NCKAP5: variants seen among roughly 807,000 people sequenced by gnomAD.
NCKAP5 encodes NCK associated protein 5, also known as nck-associated protein 5.
NCKAP5 carries 92 observed loss-of-function variants against 167.0 expected under a neutral mutation model. That is an observed-to-expected ratio of 0.55 (90% CI 0.47 to 0.66). NCKAP5 has a LOEUF of 0.66. NCKAP5 is among the 30% of genes least tolerant of loss of function. The pLI is 0.00. For synonymous variants in NCKAP5, 891 were observed against 877.4 expected (o/e 1.02, Z -0.27); for missense variants, 2,378 against 2,315.0 (o/e 1.03, Z -0.56).
intron 5 of NCKAP5, among the ~76,000 whole-genome samples, chr2:133,208,956 T>G (rs1466850413): frequency 1.3e-5 from 2 of 152,146 alleles, no homozygotes; most frequent in Non-Finnish European, 2.9e-5. Flanking sequence ...AGGGTAGTAA[T>G]AAAGGCTGCA....
At chr2:133,666,021 T>C in the NCKAP5 span, among the ~76,000 whole-genome samples, 3 of 152,118 alleles carry the variant, frequency 2.0e-5, no homozygotes, top group East Asian at 5.8e-4. Context: ...AAAGTAAAAA[T>C]TATCTTCTCA....
At chr2:133,134,944 C>A (rs1431487199) in intron 5 of NCKAP5, among the ~76,000 whole-genome samples, 1 of 152,150 alleles carries the variant, frequency 6.6e-6, no homozygotes, top group Non-Finnish European at 1.5e-5. Flanking sequence ...CTATGTACCC[C>A]CAACATGGAG....
intron 8 of NCKAP5, among the ~76,000 whole-genome samples, chr2:132,904,150 TG>T (rs1170213677): frequency 1.3e-5 from 2 of 151,864 alleles, no homozygotes; most frequent in Non-Finnish European, 2.9e-5. Flanking sequence ...TAGCCAGGCA[TG>T]GTGGCGAGTG....
chr2:133,568,101 C>T (rs568833719), intron 1 of NCKAP5, 115 bp downstream of exon 1: 8 of 151,960 alleles, frequency 5.3e-5, no homozygotes, highest in African/African-American at 1.9e-4. Flanking sequence ...CTGTGACAGC[C>T]GAAAGAGCCT....
Position 133,160,399 on chromosome 2 carries a change from G to A in NCKAP5, c.208-30288C>T, listed in dbSNP as rs1396017817. On this transcript the variant is annotated intron_variant, in intron 5 of 19. Coordinates refer to ENST00000409261, the MANE Select transcript of NCKAP5 (RefSeq NM_207363.3). ...CTCCAAAGACTCTATTTCCCAATAAGGTCACATTCTTTTTTTTTTTTTTCT... is the reference window on the plus strand; with the variant it reads ...CTCCAAAGACTCTATTTCCCAATAAAGTCACATTCTTTTTTTTTTTTTTCT... 2.8e-5 allele frequency among the ~76,000 whole-genome samples: 4 copies of A among 142,144 alleles called. No individual in the cohort carries two copies. The East Asian group carries it at 8.7e-4, about 31-fold the overall frequency. The allele number at this position is 142,144 out of a possible 152,430, so 93.3% of individuals were successfully genotyped here. A position where few individuals can be genotyped will look rare whatever the true frequency, so the allele number is the denominator to read the frequency against.
At chr2:133,520,255 G>A (rs1684362657) in intron 2 of NCKAP5, among the ~76,000 whole-genome samples, 1 of 152,166 alleles carries the variant, frequency 6.6e-6, no homozygotes, top group Non-Finnish European at 1.5e-5. Flanking sequence ...AAAATAGCCA[G>A]GAAGAGAATG....
chr2:133,472,189 C>T (rs1270043087), intron 3 of NCKAP5, among the ~76,000 whole-genome samples: 2 of 151,978 alleles, frequency 1.3e-5, no homozygotes, highest in Non-Finnish European at 2.9e-5. Context: ...TAAAATTCTG[C>T]TTGTTTCCAT....
chr2:132,882,718 AT>A (rs996204159), intron 8 of NCKAP5, among the ~76,000 whole-genome samples: 4 of 152,100 alleles, frequency 2.6e-5, no homozygotes, highest in African/African-American at 9.7e-5. Flanking sequence ...TCTTAATTAC[AT>A]TTTGTTTTTT....
Position 132,782,031 on chromosome 2 carries a change from T to C in NCKAP5, c.4780A>G (p.Ile1594Val). Residue 1594 changes from isoleucine to valine, a missense_variant, in exon 14 of 20, where the codon ATT (isoleucine) becomes GTT (valine). Physicochemically the swap from Ile to Val is conservative, Grantham distance 29 (BLOSUM62 3). Around this residue, in one of 3 missense-constraint regions of NCKAP5, gnomAD observed 1,325 missense variants for 1,274.5 expected, o/e 1.04. Coordinates refer to ENST00000409261, the MANE Select transcript of NCKAP5 (RefSeq NM_207363.3). ...SKNNRRTPQD[I>V]YNQLKIEPRN... ...GGTTCAATCTTCAGTTGGTTGTAAA[T>C]GTCTTGTGGTGTTCTCCGATTATTT... The C allele has an allele frequency of 6.2e-7, 1 of 1,614,044 alleles. No individual in the cohort carries two copies. The highest frequency in any genetic ancestry group is 1.1e-5 in the South Asian group (1 of 91,090).
intron 17 of NCKAP5, among the ~76,000 whole-genome samples, chr2:132,729,671 G>A (rs1369374949): frequency 6.6e-6 from 1 of 152,142 alleles, no homozygotes. Flanking sequence ...AATTAGCAGA[G>A]AACAATTAAA....
At chr2:132,881,659 G>A (rs547094714) in intron 8 of NCKAP5, among the ~76,000 whole-genome samples, 4 of 148,542 alleles carry the variant, frequency 2.7e-5, no homozygotes, top group African/African-American at 1.0e-4. Context: ...GGTGGAAACA[G>A]TGCACAGGCA....
intron 6 of NCKAP5, among the ~76,000 whole-genome samples, chr2:133,005,475 A>T (rs2077933397): frequency 6.6e-6 from 1 of 152,188 alleles, no homozygotes; most frequent in Non-Finnish European, 1.5e-5. Flanking sequence ...TCATGAGCTC[A>T]TCTACTCAAC....
intron 6 of NCKAP5, among the ~76,000 whole-genome samples, chr2:133,029,980 T>G (rs1197981516): frequency 6.6e-6 from 1 of 152,100 alleles, no homozygotes; most frequent in East Asian, 1.9e-4. Context: ...GCTGCCCAAA[T>G]CAAGAAAATC....
the NCKAP5 span, among the ~76,000 whole-genome samples, chr2:133,615,626 T>C: frequency 6.6e-6 from 1 of 152,154 alleles, no homozygotes; most frequent in African/African-American, 2.4e-5. Flanking sequence ...ATGCACCCAA[T>C]ACAGGAGCAC....
At chr2:133,502,070 G>A (rs1218576084) in intron 3 of NCKAP5, among the ~76,000 whole-genome samples, 5 of 152,160 alleles carry the variant, frequency 3.3e-5, no homozygotes, top group African/African-American at 7.2e-5. Context: ...ATAATTTCCC[G>A]TGACTGCTAC....
At chr2:132,728,135 C>A (rs376660594) in intron 18 of NCKAP5, among the ~76,000 whole-genome samples, 197 of 152,254 alleles carry the variant, frequency 1.3e-3, no homozygotes, top group African/African-American at 4.3e-3. Context: ...TGGGCCACCC[C>A]AGGACGAGTG....
At chr2:132,918,148 T>A (rs1411770457) in intron 8 of NCKAP5, among the ~76,000 whole-genome samples, 1 of 152,208 alleles carries the variant, frequency 6.6e-6, no homozygotes, top group Non-Finnish European at 1.5e-5. Flanking sequence ...AATTTCTCCT[T>A]AATAACTCAT....
chr2:133,504,989 T>C (rs891518731), intron 3 of NCKAP5, among the ~76,000 whole-genome samples: 4 of 151,956 alleles, frequency 2.6e-5, no homozygotes, highest in African/African-American at 7.3e-5. Context: ...CAAAGGAGGG[T>C]TCCTCAGGCC....
intron 1 of NCKAP5, among the ~76,000 whole-genome samples, chr2:133,561,145 G>A (rs77425000): frequency 0.012 from 1,819 of 152,274 alleles, 15 homozygotes; most frequent in Non-Finnish European, 0.018. Flanking sequence ...CAGTTTTACT[G>A]CTATTTATCA....
Sources: gnomAD v4.1 joint callset for allele counts (sites outside exome capture counted in the v4.1 genomes callset) on GRCh38, gnomAD v4.1.1 for gene constraint, gnomAD v4.1.1 regional missense constraint, MANE v1.5 for transcripts, NCBI Gene and HGNC (gene_info 2026-07-23, HGNC 2026-07-21) for gene names.